Variants in ATIC observed in about 807,000 individuals in gnomAD.
The protein encoded by ATIC is 5-aminoimidazole-4-carboxamide ribonucleotide formyltransferase/IMP cyclohydrolase, also known as bifunctional purine biosynthesis protein ATIC.
In ATIC, 64 loss-of-function variants were observed where a neutral mutation model predicts 72.5. The observed-to-expected ratio is 0.88, with a 90% CI of 0.72 to 1.09. The LOEUF (loss-of-function observed/expected upper bound fraction) is 1.09, where lower values mean the gene tolerates loss of function less well. Among genes scored for constraint, ATIC ranks in the 50% least tolerant of loss-of-function variants. The pLI, the probability that ATIC is intolerant of heterozygous loss-of-function variation, is 0.00. For missense variants in ATIC, 787 were observed against 732.4 expected (o/e 1.07, Z -0.86); for synonymous variants, 281 against 267.1 (o/e 1.05, Z -0.51).
chr2:215,326,197 C>T (rs879401829), intron 6 of ATIC, 59 bp downstream of exon 6: 3 of 1,601,748 alleles, frequency 1.9e-6, no homozygotes, highest in African/African-American at 2.7e-5. Flanking sequence ...GTTTGCCAGA[C>T]CAAGCAGTAT....
intron 2 of ATIC, among the ~76,000 whole-genome samples, chr2:215,316,129 C>T (rs904260531): frequency 3.3e-5 from 5 of 152,254 alleles, no homozygotes; most frequent in Middle Eastern, 3.4e-3. Context: ...TTTCCCGAGA[C>T]TACAGCCATT....
chr2:215,348,711 C>A, intron 14 of ATIC: 1 of 401,960 alleles, frequency 2.5e-6, no homozygotes, highest in Non-Finnish European at 4.8e-6. Context: ...GCCTATAATC[C>A]CAGCACTTTG....
chr2:215,335,986 G>A lies in ATIC; in HGVS notation c.1009-49G>A, dbSNP rs1055404084. 4.2e-6 allele frequency: 6 copies of A among 1,412,132 alleles called. No homozygotes were observed. In the African/African-American group the frequency reaches 7.2e-5, roughly 17 times the overall value. 87.5% of individuals were successfully genotyped at this position (1,412,132 alleles called of 1,614,324 possible). ...AATTGCTGCTAGATTTTTTTAAGAGGTGTTCTCTGATTTTTAAAAATAGAA... is the reference window on the plus strand; with the variant it reads ...AATTGCTGCTAGATTTTTTTAAGAGATGTTCTCTGATTTTTAAAAATAGAA... On this transcript the variant is annotated intron_variant, in intron 10 of 15. Coordinates refer to ENST00000236959, the MANE Select transcript of ATIC (RefSeq NM_004044.7).
chr2:215,357,299 A>G, the ATIC span, among the ~76,000 whole-genome samples: 1 of 152,184 alleles, frequency 6.6e-6, no homozygotes, highest in Non-Finnish European at 1.5e-5. Context: ...ATCTTGCCTA[A>G]GGGAGCCTGC....
downstream of ATIC, among the ~76,000 whole-genome samples, chr2:215,353,637 C>CTG (rs2053146815): frequency 6.6e-6 from 1 of 152,148 alleles, no homozygotes; most frequent in African/African-American, 2.4e-5. Flanking sequence ...TCTCAGCTCA[C>CTG]TGCAACCTCC....
chr2:215,312,969 C>T (rs954265559), intron 2 of ATIC, among the ~76,000 whole-genome samples: 5 of 152,258 alleles, frequency 3.3e-5, no homozygotes, highest in African/African-American at 4.8e-5. Context: ...TGGTGGCACA[C>T]GCCTGTAATC....
At chr2:215,348,445 TA>T (rs2053094415) in intron 14 of ATIC, among the ~76,000 whole-genome samples, 1 of 152,208 alleles carries the variant, frequency 6.6e-6, no homozygotes, top group Non-Finnish European at 1.5e-5. Flanking sequence ...GAAGTAGATT[TA>T]AATTAGAGAT....
At position 215,326,149 on chromosome 2, in the gene ATIC, C is replaced by G; in HGVS notation, c.531+11C>G. The stretch of plus-strand genomic sequence containing the variant: ...CAGTTAGCCTTGAAGGTGGGATGCA[C>G]TTTCATGATATTGTAAGTTACATCC... On this transcript the variant is annotated intron_variant, in intron 6 of 15. Transcript: ENST00000236959. 6.2e-7 allele frequency: 1 copy of G among 1,613,732 alleles called. No homozygotes were observed. Among genetic ancestry groups the G allele is most frequent in the Non-Finnish European group, 8.5e-7 (1 of 1,179,812 alleles).
chr2:215,345,263 C>G, intron 13 of ATIC: 1 of 303,370 alleles, frequency 3.3e-6, no homozygotes, highest in Non-Finnish European at 6.4e-6. Flanking sequence ...AGGGTATTTT[C>G]ACATTATTTC....
chr2:215,345,706 C>T (rs1031599385), intron 13 of ATIC: 1 of 152,280 alleles, frequency 6.6e-6, no homozygotes, highest in African/African-American at 2.4e-5. Flanking sequence ...TAACAAACTC[C>T]TGGGAGATTG....
intron 7 of ATIC, 134 bp from the exon 8 acceptor site, chr2:215,332,248 T>G: frequency 7.7e-7 from 1 of 1,294,592 alleles, no homozygotes; most frequent in South Asian, 1.2e-5. Flanking sequence ...CAAGATTTTA[T>G]GTTTGTGTGT....
At chr2:215,354,135 CT>C (rs1473658815), downstream of ATIC, among the ~76,000 whole-genome samples, 2 of 151,932 alleles carry the variant, frequency 1.3e-5, no homozygotes, top group Non-Finnish European at 2.9e-5. Flanking sequence ...TCAAGCGATT[CT>C]CATGCCTCAG....
chr2:215,314,965 A>G (rs1191071541), intron 2 of ATIC, among the ~76,000 whole-genome samples: 1 of 152,236 alleles, frequency 6.6e-6, no homozygotes, highest in African/African-American at 2.4e-5. Context: ...AGACAGAGGA[A>G]AAACCATCCA....
At chr2:215,316,782 G>A (rs2052714196) in intron 2 of ATIC, among the ~76,000 whole-genome samples, 1 of 151,944 alleles carries the variant, frequency 6.6e-6, no homozygotes, top group Admixed American at 6.6e-5. Context: ...TATTTTTTGA[G>A]ACGGAGTTTT....
chr2:215,368,090 A>G, the ATIC span: 2 of 1,530,220 alleles, frequency 1.3e-6, no homozygotes, highest in Non-Finnish European at 1.8e-6. Context: ...GACCATAAGA[A>G]GAAAATCGAA....
At chr2:215,312,653 G>C (rs759672220) in intron 2 of ATIC, 29 bp downstream of exon 2, 13 of 1,614,088 alleles carry the variant, frequency 8.1e-6, no homozygotes, top group Non-Finnish European at 1.0e-5. Context: ...CATCAGAAAG[G>C]AGTGTGATCA....
At chr2:215,348,685 G>A (rs371276832) in intron 14 of ATIC, 38 of 424,576 alleles carry the variant, frequency 9.0e-5, no homozygotes, top group African/African-American at 1.3e-4. Context: ...AATCCTGGCC[G>A]GGCGCGGTGG....
intron 4 of ATIC, among the ~76,000 whole-genome samples, chr2:215,324,910 A>G (rs1481671836): frequency 2.0e-5 from 3 of 152,174 alleles, no homozygotes; most frequent in Admixed American, 6.5e-5. Flanking sequence ...TTATACTTCT[A>G]TTAAAATGTT....
At chr2:215,353,897 A>G (rs1379962351), downstream of ATIC, among the ~76,000 whole-genome samples, 1 of 151,946 alleles carries the variant, frequency 6.6e-6, no homozygotes, top group African/African-American at 2.4e-5. Context: ...GTATATTTGA[A>G]TTCATTTTGG....
Sources: gnomAD v4.1 joint callset for allele counts (sites outside exome capture counted in the v4.1 genomes callset) on GRCh38, gnomAD v4.1.1 for gene constraint, MANE v1.5 for transcripts, NCBI Gene and HGNC (gene_info 2026-07-23, HGNC 2026-07-21) for gene names.